The following MINDY3 variants were observed in gnomAD, a reference collection of about 807,000 sequenced individuals.
MINDY3 encodes the protein MINDY lysine 48 deubiquitinase 3, also known as ubiquitin carboxyl-terminal hydrolase MINDY-3.
Under a neutral mutation model 69.2 loss-of-function variants are expected in MINDY3, and 38 were observed. The observed-to-expected ratio is 0.55, with a 90% CI of 0.42 to 0.72. The LOEUF (loss-of-function observed/expected upper bound fraction) is 0.72. Ranked by LOEUF, MINDY3 falls within the 30% of genes least tolerant of loss-of-function variation. The pLI, the probability that MINDY3 is intolerant of heterozygous loss-of-function variation, is 0.00. For synonymous variants in MINDY3, 192 were observed against 180.1 expected (o/e 1.07, Z -0.53); for missense variants, 522 against 519.0 (o/e 1.01, Z -0.06).
At chr10:15,833,225 G>A (rs965808737) in intron 8 of MINDY3, among the ~76,000 whole-genome samples, 5 of 152,108 alleles carry the variant, frequency 3.3e-5, no homozygotes, top group Admixed American at 6.5e-5. Flanking sequence ...TTTAAAGTAC[G>A]CACATTAAAA....
intron 10 of MINDY3, among the ~76,000 whole-genome samples, chr10:15,801,766 C>T (rs776391548): frequency 1.3e-5 from 2 of 151,810 alleles, no homozygotes; most frequent in Non-Finnish European, 2.9e-5. Context: ...TCCATCTGGC[C>T]CAAAACATAT....
At chr10:15,824,152 T>A (rs893672201) in intron 8 of MINDY3, among the ~76,000 whole-genome samples, 1 of 152,220 alleles carries the variant, frequency 6.6e-6, no homozygotes, top group African/African-American at 2.4e-5. Context: ...TACTGAGTAG[T>A]GGGATTGCTG....
chr10:15,833,822 C>A (rs1832897087), intron 7 of MINDY3, 113 bp from the exon 8 acceptor site: 2 of 734,716 alleles, frequency 2.7e-6, no homozygotes, highest in South Asian at 3.6e-5. Flanking sequence ...TAAGAATTTA[C>A]AAAGTTAGGG....
At chr10:15,817,587 A>G (rs1839461797) in intron 9 of MINDY3, 1 of 152,220 alleles carries the variant, frequency 6.6e-6, no homozygotes, top group Admixed American at 6.5e-5. Context: ...ACTGAGAAAA[A>G]AAAAGTTTAA....
intron 8 of MINDY3, among the ~76,000 whole-genome samples, chr10:15,822,071 T>C (rs1014671658): frequency 1.3e-5 from 2 of 152,162 alleles, no homozygotes; most frequent in Non-Finnish European, 2.9e-5. Flanking sequence ...TCAATACCTA[T>C]GTAAAAGGGC....
At chr10:15,836,409 A>AT (rs1278605355) in intron 6 of MINDY3, among the ~76,000 whole-genome samples, 1 of 152,020 alleles carries the variant, frequency 6.6e-6, no homozygotes, top group African/African-American at 2.4e-5. Context: ...TTAATGTGCC[A>AT]TTTTTTTACA....
chr10:15,848,908 A>G lies in MINDY3; in HGVS notation c.95-965T>C, dbSNP rs1654342068. Among the ~76,000 whole-genome samples the G allele has an allele frequency of 2.0e-5, 3 of 152,046 alleles. No individual in the cohort carries two copies. The South Asian group carries it at 6.2e-4, about 32-fold the overall frequency. On this transcript the variant is annotated intron_variant, in intron 1 of 14. Coordinates refer to ENST00000277632, the MANE Select transcript of MINDY3 (RefSeq NM_024948.4). Reference sequence around the variant, plus strand: ...AATTCCAAAATGCTAAGAACCTATAAATTCCATTAATTGTTACTATTCAGA... The same window carrying G: ...AATTCCAAAATGCTAAGAACCTATAGATTCCATTAATTGTTACTATTCAGA...
intron 1 of MINDY3, among the ~76,000 whole-genome samples, chr10:15,859,436 C>G (rs554441582): frequency 6.6e-6 from 1 of 152,176 alleles, no homozygotes; most frequent in South Asian, 2.1e-4. Flanking sequence ...TTTGCCTATC[C>G]AAACTTAAGA....
intron 13 of MINDY3, among the ~76,000 whole-genome samples, chr10:15,783,659 T>C (rs950239153): frequency 6.6e-6 from 1 of 152,196 alleles, no homozygotes; most frequent in African/African-American, 2.4e-5. Flanking sequence ...TTCTATTATT[T>C]TGAAAGACTG....
intron 11 of MINDY3, among the ~76,000 whole-genome samples, chr10:15,791,941 G>C (rs1271519678): frequency 2.6e-5 from 4 of 152,058 alleles, no homozygotes; most frequent in African/African-American, 9.7e-5. Flanking sequence ...GGACACTGCA[G>C]GAAGAGAAGC....
intron 12 of MINDY3, among the ~76,000 whole-genome samples, chr10:15,787,386 GA>G (rs1218078995): frequency 5.3e-5 from 8 of 152,138 alleles, no homozygotes; most frequent in Non-Finnish European, 1.0e-4. Context: ...ATAGTCTTCA[GA>G]AAAGTTTTAT....
chr10:15,789,259 G>GA lies in MINDY3; in HGVS notation c.1015dup (p.Ser339PhefsTer4). 1 of 1,610,466 alleles carries GA rather than the reference G, an allele frequency of 6.2e-7. No homozygotes were observed. Among genetic ancestry groups the GA allele is most frequent in the Non-Finnish European group, 8.5e-7 (1 of 1,177,566 alleles). On this transcript the variant is annotated frameshift_variant, in exon 12 of 15. Transcript: ENST00000277632. LOFTEE classifies it high-confidence loss of function. ...CTATTTAGCTTACTATTCAGGATCT[G>GA]AAACAAGGTCCAATGCTTTCATCAC... is the stretch of plus-strand genomic sequence containing the variant.
At chr10:15,789,958 T>C (rs374453869) in intron 11 of MINDY3, among the ~76,000 whole-genome samples, 2 of 152,138 alleles carry the variant, frequency 1.3e-5, no homozygotes, top group Non-Finnish European at 2.9e-5. Flanking sequence ...AAAGTCCTTG[T>C]GGGGTAGTTT....
intron 10 of MINDY3, among the ~76,000 whole-genome samples, chr10:15,810,740 G>A (rs1407445169): frequency 6.6e-6 from 1 of 152,010 alleles, no homozygotes; most frequent in East Asian, 1.9e-4. Flanking sequence ...CAAAAATCCT[G>A]CCATCACAGA....
chr10:15,841,733 G>A (rs1003411899), intron 3 of MINDY3, 134 bp from the exon 4 acceptor site: 4 of 519,400 alleles, frequency 7.7e-6, no homozygotes, highest in Admixed American at 7.2e-5. Flanking sequence ...TCTCTAAATA[G>A]ATTTTAAATT....
rs758762583 is a variant in MINDY3, at chr10:15,838,265, C to A, written c.424G>T (p.Glu142Ter). The change falls in exon 5 of 15, where the codon GAA becomes TAA. Residue 142 changes from glutamate (E) to a stop codon, truncating the protein, a stop_gained. Coordinates refer to ENST00000277632, the MANE Select transcript of MINDY3 (RefSeq NM_024948.4). LOFTEE classifies it high-confidence loss of function. ...QVEHSSALAV[E>*]ELGFERFHAL... is the part of the protein sequence containing the mutation. ...TGAAATCGCTCAAAGCCAAGCTCTT[C>A]GACAGCCAAGGCAGCTATACATAAA... 1 of 1,603,176 alleles carries A rather than the reference C, an allele frequency of 6.2e-7. No homozygotes were observed. Among genetic ancestry groups the A allele is most frequent in the South Asian group, 1.1e-5 (1 of 89,410 alleles).
At chr10:15,816,739 G>C (rs996487659) in intron 10 of MINDY3, 96 bp downstream of exon 10, 13 of 822,786 alleles carry the variant, frequency 1.6e-5, no homozygotes, top group Non-Finnish European at 2.7e-5. Flanking sequence ...TGTGGGAATA[G>C]ACTGAAGTTT....
chr10:15,802,193 G>C (rs527630636), intron 10 of MINDY3, among the ~76,000 whole-genome samples: 20 of 151,976 alleles, frequency 1.3e-4, no homozygotes, highest in Non-Finnish European at 2.6e-4. Flanking sequence ...TATGCAGGGG[G>C]TTAGCACCCC....
intron 14 of MINDY3, among the ~76,000 whole-genome samples, chr10:15,781,513 T>C (rs1443936933): frequency 1.3e-5 from 2 of 151,990 alleles, no homozygotes; most frequent in Non-Finnish European, 2.9e-5. Flanking sequence ...ACTCTAGCTT[T>C]ACGCCAGGTT....
Sources: gnomAD v4.1 joint callset for allele counts (sites outside exome capture counted in the v4.1 genomes callset) on GRCh38, gnomAD v4.1.1 for gene constraint, MANE v1.5 for transcripts, NCBI Gene and HGNC (gene_info 2026-07-23, HGNC 2026-07-21) for gene names.